Variants in CFAP20DC observed in about 807,000 individuals in gnomAD.
The protein encoded by CFAP20DC is protein CFAP20DC.
Under a neutral mutation model 101.7 loss-of-function variants are expected in CFAP20DC, and 84 were observed. The observed-to-expected ratio is 0.83, with a 90% CI of 0.69 to 0.99. The LOEUF (loss-of-function observed/expected upper bound fraction) is 0.99. CFAP20DC is among the 50% of genes least tolerant of loss of function. The probability of loss-of-function intolerance (pLI) is 0.00; values close to 1 mark genes in which losing one functional copy is unlikely to be tolerated. For missense variants in CFAP20DC, 1,007 were observed against 970.3 expected, an observed-to-expected ratio of 1.04 and a Z score of -0.50; for synonymous variants, 359 against 351.2, an observed-to-expected ratio of 1.02 and a Z score of -0.25.
chr3:58,832,341 G>C (rs1425237803), intron 13 of CFAP20DC, among the ~76,000 whole-genome samples: 1 of 152,124 alleles, frequency 6.6e-6, no homozygotes. Context: ...TGGCAGGTTT[G>C]CTGGGAGCTC....
downstream of CFAP20DC, among the ~76,000 whole-genome samples, chr3:58,739,737 T>G (rs2067839912): frequency 6.6e-6 from 1 of 152,240 alleles, no homozygotes; most frequent in African/African-American, 2.4e-5. Flanking sequence ...CAGAAGATTC[T>G]AATATGCAAT....
In CFAP20DC at chr3:58,732,603, G is replaced by A. The variant is rs1278184148; in HGVS notation, c.198-14975C>T. ...CAGTATTGAAAATGGAAATAAAACC[G>A]AATGGTGCTAGAATTAGTAGGAGAA... On this transcript the variant is annotated intron_variant, in intron 3 of 3. Coordinates refer to the CFAP20DC transcript ENST00000486145. This position sits in a 1 kb window ranked among gnomAD's most constrained non-coding sequence, Gnocchi z 5.4. Among the ~76,000 whole-genome samples the A allele has an allele frequency of 1.3e-5, 2 of 152,126 alleles. No individual in the cohort carries two copies. Among genetic ancestry groups the A allele is most frequent in the East Asian group, 1.9e-4 (1 of 5,172 alleles).
intron 3 of CFAP20DC, among the ~76,000 whole-genome samples, chr3:59,044,926 C>T (rs951333043): frequency 6.6e-6 from 1 of 151,686 alleles, no homozygotes; most frequent in African/African-American, 2.4e-5. Context: ...CCTGGATCAT[C>T]TTAGTTCACC....
intron 14 of CFAP20DC, among the ~76,000 whole-genome samples, chr3:58,810,939 G>A (rs980292150): frequency 2.6e-5 from 4 of 151,972 alleles, no homozygotes; most frequent in African/African-American, 4.8e-5. Flanking sequence ...AATCATGAGT[G>A]AACTCCCATG....
intron 12 of CFAP20DC, among the ~76,000 whole-genome samples, chr3:58,850,304 T>C (rs1377111796): frequency 6.6e-6 from 1 of 152,122 alleles, no homozygotes; most frequent in Non-Finnish European, 1.5e-5. Flanking sequence ...TAAATATATA[T>C]GGCCAGGCAT....
At chr3:59,040,417 A>T (rs1699258191) in intron 3 of CFAP20DC, among the ~76,000 whole-genome samples, 1 of 151,866 alleles carries the variant, frequency 6.6e-6, no homozygotes, top group Non-Finnish European at 1.5e-5. Context: ...CTTTTGCTTG[A>T]TCTCTCAATT....
intron 14 of CFAP20DC, among the ~76,000 whole-genome samples, chr3:58,818,367 C>A (rs1218327417): frequency 2.4e-4 from 36 of 147,044 alleles, no homozygotes; most frequent in African/African-American, 6.7e-4. Flanking sequence ...AGAGTCAAGA[C>A]CCATCAGTGT....
At chr3:58,956,108 T>C (rs2090600446) in intron 4 of CFAP20DC, among the ~76,000 whole-genome samples, 1 of 151,332 alleles carries the variant, frequency 6.6e-6, no homozygotes, top group South Asian at 2.1e-4. Flanking sequence ...TTCCCAGTTG[T>C]AGTGGCTATG....
chr3:58,743,967 T>C (rs2068027752), intron 16 of CFAP20DC, among the ~76,000 whole-genome samples: 2 of 152,204 alleles, frequency 1.3e-5, no homozygotes, highest in South Asian at 2.1e-4. Flanking sequence ...CAGGACATGA[T>C]GACAAGAAAC....
chr3:58,751,414 T>TA (rs1559540845), intron 16 of CFAP20DC, among the ~76,000 whole-genome samples: 1 of 152,160 alleles, frequency 6.6e-6, no homozygotes, highest in Non-Finnish European at 1.5e-5. Context: ...CCAACGATCC[T>TA]ACCCTTCATT....
intron 8 of CFAP20DC, 72 bp downstream of exon 8, chr3:58,870,101 C>CA: frequency 2.3e-6 from 2 of 859,594 alleles, no homozygotes; most frequent in Non-Finnish European, 3.7e-6. Flanking sequence ...CTCCCTCCCT[C>CA]TACAAGGGGA....
chr3:58,920,760 T>A (rs1462154273), intron 5 of CFAP20DC, among the ~76,000 whole-genome samples: 1 of 152,194 alleles, frequency 6.6e-6, no homozygotes, highest in Non-Finnish European at 1.5e-5. Flanking sequence ...TTTGAGAACT[T>A]TTACTATCTT....
intron 4 of CFAP20DC, among the ~76,000 whole-genome samples, chr3:58,991,488 T>C (rs921035796): frequency 3.9e-5 from 6 of 152,196 alleles, no homozygotes; most frequent in African/African-American, 1.4e-4. Context: ...ATGGTCTATA[T>C]TTGCTTAAAA....
At chr3:58,827,578 G>C (rs2076127641) in intron 14 of CFAP20DC, among the ~76,000 whole-genome samples, 1 of 152,154 alleles carries the variant, frequency 6.6e-6, no homozygotes, top group South Asian at 2.1e-4. Context: ...TTGGAACTTG[G>C]AATTCCAGTC....
intron 5 of CFAP20DC, among the ~76,000 whole-genome samples, chr3:58,924,307 T>C (rs1559831036): frequency 6.6e-6 from 1 of 152,150 alleles, no homozygotes. Context: ...ATTGTTTAGC[T>C]CCCATTTATG....
At chr3:58,945,164 G>A (rs2089176271) in intron 4 of CFAP20DC, among the ~76,000 whole-genome samples, 1 of 152,054 alleles carries the variant, frequency 6.6e-6, no homozygotes, top group African/African-American at 2.4e-5. Flanking sequence ...AGTAAGGCTA[G>A]GTATCTCTCC....
At position 58,859,019 on chromosome 3, in the gene CFAP20DC, C is replaced by A. The variant is rs1376573018; in HGVS notation, c.1593+4539G>T. Among the ~76,000 whole-genome samples the A allele has an allele frequency of 1.3e-5, 2 of 152,176 alleles. No homozygotes were observed. The highest frequency in any genetic ancestry group is 2.9e-5 in the Non-Finnish European group (2 of 68,030). The stretch of plus-strand genomic sequence containing the variant: ...TTCATAACAACCATCCCAAGAAGTA[C>A]TTGTGCTTCTACTTGAATTTTGTAG... On this transcript the variant is annotated intron_variant, in intron 12 of 16. Coordinates refer to ENST00000482387, the MANE Select transcript of CFAP20DC (RefSeq NM_001394063.1). This position sits in a 1 kb window ranked among gnomAD's most constrained non-coding sequence, Gnocchi z 4.1.
intron 7 of CFAP20DC, among the ~76,000 whole-genome samples, chr3:58,873,401 G>A (rs1257216250): frequency 6.6e-6 from 1 of 151,060 alleles, no homozygotes; most frequent in Non-Finnish European, 1.5e-5. Context: ...TCTGGATGCT[G>A]TCAGGCAGGT....
intron 4 of CFAP20DC, among the ~76,000 whole-genome samples, chr3:59,008,949 G>A (rs1247601781): frequency 6.6e-6 from 1 of 151,902 alleles, no homozygotes; most frequent in Non-Finnish European, 1.5e-5. Context: ...AGAGATCCCT[G>A]CCATTATAAC....
Sources: gnomAD v4.1 joint callset for allele counts (sites outside exome capture counted in the v4.1 genomes callset) on GRCh38, gnomAD v4.1.1 for gene constraint, Gnocchi (gnomAD v3.1) non-coding constraint, MANE v1.5 for transcripts, NCBI Gene and HGNC (gene_info 2026-07-23, HGNC 2026-07-21) for gene names.